PTPN21: variants seen among roughly 807,000 people sequenced by gnomAD.
PTPN21 encodes tyrosine-protein phosphatase non-receptor type 21.
In PTPN21, 77 loss-of-function variants were observed where a neutral mutation model predicts 131.8. The observed-to-expected ratio is 0.58, with a 90% CI of 0.49 to 0.71. PTPN21 has a LOEUF of 0.71. PTPN21 is among the 30% of genes least tolerant of loss of function. PTPN21 has a pLI of 0.00. For synonymous variants in PTPN21, 715 were observed against 621.3 expected, an observed-to-expected ratio of 1.15 and a Z score of -2.24; for missense variants, 1,552 against 1,527.1, an observed-to-expected ratio of 1.02 and a Z score of -0.27.
intron 10 of PTPN21, 57 bp from the exon 11 acceptor site, chr14:88,485,899 CA>C: frequency 9.5e-7 from 1 of 1,058,112 alleles, no homozygotes; most frequent in Non-Finnish European, 1.4e-6. Flanking sequence ...TAAATTCTAC[CA>C]AAACAAGATA....
chr14:88,554,943 C>T lies in PTPN21; in HGVS notation c.-495G>A, dbSNP rs1319310739. 4.0e-5 allele frequency among the ~76,000 whole-genome samples: 6 copies of T among 151,526 alleles called. No homozygotes were observed. Among genetic ancestry groups the T allele is most frequent in the Non-Finnish European group, 7.4e-5 (5 of 67,814 alleles). On this transcript the variant is annotated 5_prime_UTR_variant, in exon 1 of 19. Coordinates refer to ENST00000556564, the MANE Select transcript of PTPN21 (RefSeq NM_007039.4). ...GTGGGGGCGGGGGGTGGCAGGAGGA[C>T]GGACAGACCGTCGGACCGACGCGGG...
chr14:88,506,740 G>A (rs1187874844), intron 4 of PTPN21, among the ~76,000 whole-genome samples: 2 of 152,026 alleles, frequency 1.3e-5, no homozygotes, highest in African/African-American at 4.8e-5. Context: ...CACCACTAAA[G>A]AACTTATTCA....
chr14:88,528,970 C>A (rs776381037), intron 2 of PTPN21, among the ~76,000 whole-genome samples: 4 of 152,264 alleles, frequency 2.6e-5, no homozygotes, highest in Admixed American at 6.5e-5. Context: ...GATGCCCTTT[C>A]TTTCTCTTGT....
intron 18 of PTPN21, 47 bp from the exon 19 acceptor site, chr14:88,468,312 G>A (rs1460137123): frequency 2.0e-6 from 3 of 1,509,580 alleles, no homozygotes; most frequent in Non-Finnish European, 1.8e-6. Flanking sequence ...CCCCTGGGGA[G>A]ACAGAAAGGA....
chr14:88,518,273 T>TATATATATATATATATACAC (rs763756368), intron 2 of PTPN21, among the ~76,000 whole-genome samples: 16 of 68,220 alleles, frequency 2.3e-4, no homozygotes, highest in African/African-American at 1.2e-3. Flanking sequence ...TATATATATA[T>TATATATATATATATATACAC]ACACACACAC....
In PTPN21 at chr14:88,497,274, T is replaced by C; in HGVS notation, c.781A>G (p.Asn261Asp). 6.2e-7 allele frequency: 1 copy of C among 1,613,376 alleles called. No individual in the cohort carries two copies. The highest frequency in any genetic ancestry group is 8.5e-7 in the Non-Finnish European group (1 of 1,179,310). ...AAAAAGGACTTGTTGTGGGACATGT[T>C]GGCAATGTCATGCCACCTAAAGAAC... ...PVVFRWHDIANMSHNKSFFAL... is the reference protein window; with the variant it reads ...PVVFRWHDIADMSHNKSFFAL... Residue 261 changes from asparagine (N) to aspartate (D), a missense_variant, in exon 9 of 19, where the codon AAC becomes GAC. By Grantham distance (23) the Asn-to-Asp change is conservative. Around this residue, in one of 4 missense-constraint regions of PTPN21, gnomAD observed 1,016 missense variants for 883.5 expected, o/e 1.15. Transcript: ENST00000556564.
chr14:88,524,840 G>C (rs1392539274), intron 2 of PTPN21, among the ~76,000 whole-genome samples: 1 of 151,438 alleles, frequency 6.6e-6, no homozygotes, highest in Non-Finnish European at 1.5e-5. Flanking sequence ...AGGAGACCAA[G>C]GCTTCAGTAA....
At chr14:88,516,351 T>A (rs888875611) in intron 3 of PTPN21, among the ~76,000 whole-genome samples, 13 of 138,396 alleles carry the variant, frequency 9.4e-5, no homozygotes, top group African/African-American at 3.6e-4. Context: ...GCGTGCAGCA[T>A]GTTTCGGGCC....
At chr14:88,504,951 G>A (rs899061404) in intron 5 of PTPN21, among the ~76,000 whole-genome samples, 2 of 152,306 alleles carry the variant, frequency 1.3e-5, no homozygotes, top group Middle Eastern at 3.4e-3. Flanking sequence ...GATGAGAAGC[G>A]ACATTCCTCA....
Position 88,480,335 on chromosome 14 carries a change from T to C in PTPN21, c.1096A>G (p.Asn366Asp), listed in dbSNP as rs1203165638. 1 of 1,612,378 alleles carries C rather than the reference T, an allele frequency of 6.2e-7. No individual in the cohort carries two copies. The highest frequency in any genetic ancestry group is 1.1e-5 in the South Asian group (1 of 90,980). ...ASSQDNLFVP[N>D]QNGYYCHSQT... ...GAGTGACAGTAGTATCCGTTCTGGT[T>C]GGGCACAAAGAGGTTATCTAGAAAA... Residue 366 changes from asparagine (N) to aspartate (D), a missense_variant, in exon 13 of 19, where the codon AAC (asparagine) becomes GAC (aspartate). Coordinates refer to ENST00000556564, the MANE Select transcript of PTPN21 (RefSeq NM_007039.4).
In PTPN21 at chr14:88,501,174, T is replaced by G. The variant is rs369106815; in HGVS notation, c.675+107A>C. 8.9e-5 allele frequency: 91 copies of G among 1,020,818 alleles called. No individual in the cohort carries two copies. In the East Asian group the frequency reaches 1.9e-3, roughly 22 times the overall value. The allele number at this position is 1,020,818 out of a possible 1,614,324, so 63.2% of individuals were successfully genotyped here. ...CTCAGCTTTTAAGTTTCCAGAGTTT[T>G]GCACGTCCTCAGCCTTTGCACATAA... is the stretch of plus-strand genomic sequence containing the variant. On this transcript the variant is annotated intron_variant, in intron 7 of 18. Coordinates refer to ENST00000556564, the MANE Select transcript of PTPN21 (RefSeq NM_007039.4).
At chr14:88,491,500 C>T (rs74075960) in intron 10 of PTPN21, among the ~76,000 whole-genome samples, 123 of 152,330 alleles carry the variant, frequency 8.1e-4, no homozygotes, top group African/African-American at 2.8e-3. Context: ...GTTTACCCAT[C>T]TGGCCCATGA....
intron 15 of PTPN21, chr14:88,470,390 T>C (rs903530592): frequency 4.9e-5 from 11 of 225,620 alleles, no homozygotes; most frequent in Admixed American, 3.1e-4. Context: ...CTATGGTACC[T>C]GGCACATAAC....
chr14:88,479,194 C>G lies in PTPN21; in HGVS notation c.2237G>C (p.Cys746Ser). Residue 746 changes from cysteine to serine, a missense_variant, in exon 13 of 19, where the codon TGC (cysteine) becomes TCC (serine). Cys to Ser is a moderately radical substitution (Grantham distance 112). Transcript: ENST00000556564. ...RPGLAQDPPG[C>S]PRVLLAGPLH... ...GGGCCCGGCGAGCAGGACGCGAGGG[C>G]AGCCAGGTGGGTCCTGGGCCAGGCC... 3 of 1,572,640 alleles carry G rather than the reference C, an allele frequency of 1.9e-6. No homozygotes were observed. The highest frequency in any genetic ancestry group is 2.6e-6 in the Non-Finnish European group (3 of 1,161,944).
intron 13 of PTPN21, among the ~76,000 whole-genome samples, chr14:88,475,679 A>G (rs974027040): frequency 1.3e-5 from 2 of 152,248 alleles, no homozygotes; most frequent in African/African-American, 4.8e-5. Context: ...GCCCATATCC[A>G]TGGTGTAAAT....
At chr14:88,495,334 C>A (rs73315977) in intron 10 of PTPN21, among the ~76,000 whole-genome samples, 5,381 of 152,190 alleles carry the variant, frequency 0.035, 319 homozygotes, top group African/African-American at 0.12. Context: ...GGACTAAGCA[C>A]ACTAAATGCT....
At position 88,507,940 on chromosome 14, in the gene PTPN21, G is replaced by A. The variant is rs753255932; in HGVS notation, c.431C>T (p.Ala144Val). The A allele has an allele frequency of 1.9e-6, 3 of 1,600,092 alleles. No homozygotes were observed. The highest frequency in any genetic ancestry group is 1.7e-6 in the Non-Finnish European group (2 of 1,170,946). Residue 144 changes from alanine to valine, a missense_variant, in exon 4 of 19, where the codon GCA (alanine) becomes GTA (valine). Ala to Val is a moderately conservative substitution (Grantham distance 64). This residue lies in a region of PTPN21 where 206 missense variants were observed against 221.6 expected (regional missense o/e 0.93). Transcript: ENST00000556564. ...TTATTTACCTTGAACAGCTAAGCCT[G>A]CTAGCTGAATTGCTTGTTCTAAGGT... ...PCTLEQAIQLAGLAVQADFGD... is the reference protein window; with the variant it reads ...PCTLEQAIQLVGLAVQADFGD...
intron 1 of PTPN21, chr14:88,551,854 A>G (rs1296642392): frequency 6.6e-6 from 1 of 152,240 alleles, no homozygotes; most frequent in African/African-American, 2.4e-5. Flanking sequence ...AACAGTTTTT[A>G]ACCAGACCTG....
At chr14:88,508,507 A>G (rs1595381427) in intron 3 of PTPN21, among the ~76,000 whole-genome samples, 1 of 152,304 alleles carries the variant, frequency 6.6e-6, no homozygotes, top group South Asian at 2.1e-4. Context: ...TACACATATT[A>G]AAGTATATGT....
Sources: gnomAD v4.1 joint callset for allele counts (sites outside exome capture counted in the v4.1 genomes callset) on GRCh38, gnomAD v4.1.1 for gene constraint, gnomAD v4.1.1 regional missense constraint, MANE v1.5 for transcripts, NCBI Gene and HGNC (gene_info 2026-07-23, HGNC 2026-07-21) for gene names.